The following AFF3 variants were observed in gnomAD, a reference collection of about 807,000 sequenced individuals.
The protein encoded by AFF3 is ALF transcription elongation factor 3, also known as AF4/FMR2 family member 3.
In AFF3, 32 loss-of-function variants were observed where a neutral mutation model predicts 129.7. That is an observed-to-expected ratio of 0.25 (90% CI 0.19 to 0.33). The LOEUF (loss-of-function observed/expected upper bound fraction) is 0.33, where lower values mean the gene tolerates loss of function less well. Among genes scored for constraint, AFF3 ranks in the 10% least tolerant of loss-of-function variants. The pLI, the probability that AFF3 is intolerant of heterozygous loss-of-function variation, is 1.00. For missense variants in AFF3, 1,373 were observed against 1,592.0 expected, an observed-to-expected ratio of 0.86 and a Z score of 2.34; for synonymous variants, 644 against 635.4, an observed-to-expected ratio of 1.01 and a Z score of -0.20.
At chr2:100,105,463 G>T in intron 3 of AFF3, 41 bp downstream of exon 3, 1 of 1,323,826 alleles carries the variant, frequency 7.6e-7, no homozygotes, top group Non-Finnish European at 1.0e-6. Flanking sequence ...CCTCTAGCTG[G>T]CCAGCCCTGG....
intron 4 of AFF3, among the ~76,000 whole-genome samples, chr2:100,065,242 A>C (rs1035790469): frequency 9.2e-5 from 14 of 152,252 alleles, no homozygotes; most frequent in Middle Eastern, 3.2e-3. Flanking sequence ...GCAATTAGTC[A>C]AAAGAGCAAT....
At position 99,727,081 on chromosome 2, in the gene AFF3, T is replaced by C; in HGVS notation, c.1087A>G (p.Thr363Ala). ...TAGAAAATGAAAGAAACTTACGATG[T>C]ATTCGATGTGCCATTGTCTGGACTC... ...PESPDNGTSNTSMLEDDLKLS... is the reference protein window; with the variant it reads ...PESPDNGTSNASMLEDDLKLS... Residue 363 changes from threonine (T) to alanine (A), a missense_variant, in exon 11 of 25, where the codon ACA becomes GCA. Transcript: ENST00000672756. The C allele has an allele frequency of 6.2e-7, 1 of 1,605,554 alleles. No homozygotes were observed. Among genetic ancestry groups the C allele is most frequent in the Non-Finnish European group, 8.5e-7 (1 of 1,177,674 alleles).
chr2:99,755,673 A>C (rs1403363714), intron 8 of AFF3, among the ~76,000 whole-genome samples: 1 of 151,854 alleles, frequency 6.6e-6, no homozygotes, highest in Non-Finnish European at 1.5e-5. Flanking sequence ...GCTCCCCTCA[A>C]ATTTTTGGCT....
chr2:99,691,282 T>C (rs1006132581), intron 11 of AFF3, among the ~76,000 whole-genome samples: 1 of 152,180 alleles, frequency 6.6e-6, no homozygotes, highest in African/African-American at 2.4e-5. Flanking sequence ...AAGGGGATAC[T>C]TAGAGTCTCA....
intron 20 of AFF3, among the ~76,000 whole-genome samples, chr2:99,563,810 C>CAA (rs34843347): frequency 0.02 from 1,483 of 74,684 alleles, 43 homozygotes; most frequent in Non-Finnish European, 0.027. Flanking sequence ...AATTTAGTCT[C>CAA]AAAAAAAAAA....
chr2:99,615,665 G>A (rs1681351789), intron 13 of AFF3, among the ~76,000 whole-genome samples: 2 of 152,236 alleles, frequency 1.3e-5, no homozygotes, highest in Admixed American at 1.3e-4. Context: ...TGGGAGCCAG[G>A]GTGCATGGGA....
intron 4 of AFF3, among the ~76,000 whole-genome samples, chr2:100,009,471 G>A (rs1030172275): frequency 3.9e-5 from 6 of 151,996 alleles, no homozygotes; most frequent in African/African-American, 1.2e-4. Context: ...CAGTCAAGTC[G>A]TCAAACGACT....
chr2:99,578,396 G>A lies in AFF3; in HGVS notation c.2849C>T (p.Thr950Met), dbSNP rs368944733. 3.1e-5 allele frequency: 50 copies of A among 1,611,048 alleles called. No individual in the cohort carries two copies. Among genetic ancestry groups the A allele is most frequent in the Non-Finnish European group, 4.0e-5 (47 of 1,178,992 alleles). The change falls in exon 18 of 25, where the codon ACG becomes ATG. Residue 950 changes from threonine to methionine, a missense_variant. Transcript: ENST00000672756. Reference protein sequence around the residue: ...NIPLHKSRPQTKPWSPGSNGH... With the variant: ...NIPLHKSRPQMKPWSPGSNGH... ...GTTGGAGCCTGGAGACCACGGCTTCGTCTGCGGCCGTGACTTGTGGAGGGG... is the reference window on the plus strand; with the variant it reads ...GTTGGAGCCTGGAGACCACGGCTTCATCTGCGGCCGTGACTTGTGGAGGGG...
intron 7 of AFF3, among the ~76,000 whole-genome samples, chr2:99,979,555 T>C (rs1333364635): frequency 6.6e-6 from 1 of 152,106 alleles, no homozygotes; most frequent in Non-Finnish European, 1.5e-5. Context: ...CACAGTTCAC[T>C]GCAACCTTGA....
At chr2:100,033,659 ATTT>A (rs1375376954) in intron 4 of AFF3, among the ~76,000 whole-genome samples, 1 of 152,170 alleles carries the variant, frequency 6.6e-6, no homozygotes, top group Non-Finnish European at 1.5e-5. Flanking sequence ...ATCAATTCTG[ATTT>A]GCAAAACGGT....
intron 13 of AFF3, among the ~76,000 whole-genome samples, chr2:99,626,190 G>A (rs1232884676): frequency 6.6e-6 from 1 of 152,162 alleles, no homozygotes; most frequent in Non-Finnish European, 1.5e-5. Context: ...TCTTTGTGGT[G>A]TTTTACTGAA....
chr2:99,831,414 A>G (rs563530368), intron 8 of AFF3, among the ~76,000 whole-genome samples: 1 of 152,382 alleles, frequency 6.6e-6, no homozygotes, highest in South Asian at 2.1e-4. Flanking sequence ...AAGTTAACAA[A>G]TGACATAAAC....
At chr2:100,036,918 T>C (rs2105009637) in intron 4 of AFF3, among the ~76,000 whole-genome samples, 1 of 151,692 alleles carries the variant, frequency 6.6e-6, no homozygotes, top group Non-Finnish European at 1.5e-5. Context: ...AACTAAAAAG[T>C]GTAACCCTCA....
intron 3 of AFF3, 25 bp from the exon 4 acceptor site, chr2:100,104,543 G>A: frequency 3.5e-6 from 4 of 1,143,344 alleles, no homozygotes; most frequent in South Asian, 2.4e-5. Context: ...GCCGCTCAAG[G>A]TGCATCCCAG....
chr2:99,741,090 T>G (rs1177888608), intron 10 of AFF3, among the ~76,000 whole-genome samples: 1 of 152,162 alleles, frequency 6.6e-6, no homozygotes, highest in East Asian at 1.9e-4. Flanking sequence ...TTTCTCAGGT[T>G]TGTCAAAGAT....
chr2:99,615,328 G>T (rs1318217407), intron 13 of AFF3, among the ~76,000 whole-genome samples: 1 of 152,220 alleles, frequency 6.6e-6, no homozygotes, highest in Non-Finnish European at 1.5e-5. Context: ...ACACAGCTTG[G>T]CAAGACCAGT....
intron 2 of AFF3, among the ~76,000 whole-genome samples, chr2:100,108,788 G>C (rs369313272): frequency 2.6e-5 from 4 of 152,090 alleles, no homozygotes; most frequent in Admixed American, 2.6e-4. Flanking sequence ...CTGCTCCTAG[G>C]GTTCAGTCTG....
intron 8 of AFF3, among the ~76,000 whole-genome samples, chr2:99,759,174 A>C (rs1330901221): frequency 6.6e-6 from 1 of 152,020 alleles, no homozygotes; most frequent in African/African-American, 2.4e-5. Context: ...CAAAGCACTT[A>C]TTTCTTTTTC....
At chr2:100,087,821 T>G (rs1408576595) in intron 4 of AFF3, among the ~76,000 whole-genome samples, 1 of 151,572 alleles carries the variant, frequency 6.6e-6, no homozygotes, top group Admixed American at 6.6e-5. Flanking sequence ...GCAAGGTTGG[T>G]TCAACATATA....
Sources: allele counts gnomAD v4.1 joint callset (sites outside exome capture counted in the v4.1 genomes callset), GRCh38; gene constraint gnomAD v4.1.1; transcripts MANE v1.5; gene names NCBI Gene and HGNC (gene_info 2026-07-23, HGNC 2026-07-21).